SNCAIP: variants seen among roughly 807,000 people sequenced by gnomAD.
SNCAIP encodes the protein synuclein alpha interacting protein.
SNCAIP carries 43 observed loss-of-function variants against 86.7 expected under a neutral mutation model. The ratio of observed to expected loss-of-function variants is 0.50; its 90% CI spans 0.39 to 0.64. The LOEUF (loss-of-function observed/expected upper bound fraction) is 0.64, where lower values mean the gene tolerates loss of function less well. SNCAIP is among the 30% of genes least tolerant of loss of function. The pLI, the probability that SNCAIP is intolerant of heterozygous loss-of-function variation, is 0.00. For synonymous variants in SNCAIP, 417 were observed against 427.2 expected, an observed-to-expected ratio of 0.98 and a Z score of 0.29; for missense variants, 981 against 1,103.1, an observed-to-expected ratio of 0.89 and a Z score of 1.57.
intron 2 of SNCAIP, chr5:122,401,017 AG>A (rs1484751587): frequency 1.9e-6 from 3 of 1,550,160 alleles, no homozygotes; most frequent in Non-Finnish European, 2.6e-6. Flanking sequence ...AGGCTACAAA[AG>A]CTTGGATTGG....
intron 1 of SNCAIP, among the ~76,000 whole-genome samples, chr5:122,365,679 CA>C (rs1286135232): frequency 6.6e-6 from 1 of 151,832 alleles, no homozygotes; most frequent in Non-Finnish European, 1.5e-5. Context: ...ACCCTGTCTC[CA>C]TAAAAAAAAA....
intron 6 of SNCAIP, among the ~76,000 whole-genome samples, chr5:122,438,701 C>T (rs1399858030): frequency 6.6e-6 from 1 of 152,150 alleles, no homozygotes; most frequent in East Asian, 1.9e-4. Flanking sequence ...CTGTCCATGC[C>T]ATCACATGAG....
At chr5:122,420,740 G>A (rs1776212611) in intron 3 of SNCAIP, among the ~76,000 whole-genome samples, 1 of 152,062 alleles carries the variant, frequency 6.6e-6, no homozygotes, top group African/African-American at 2.4e-5. Flanking sequence ...AGAAATTTCT[G>A]GCAGTCATTA....
At chr5:122,444,397 G>A (rs1477428037) in intron 7 of SNCAIP, 166 bp from the exon 8 acceptor site, 9 of 701,200 alleles carry the variant, frequency 1.3e-5, no homozygotes, top group South Asian at 3.2e-5. Context: ...GATAGTAGTA[G>A]GACTGGCTCT....
chr5:122,345,474 A>G lies in SNCAIP; in HGVS notation c.-47+33190A>G, dbSNP rs78113063. Among the ~76,000 whole-genome samples, 299 of 152,292 alleles carry G rather than the reference A, an allele frequency of 2.0e-3. 1 individual carries two copies. The highest frequency in any genetic ancestry group is 6.8e-3 in the Middle Eastern group (2 of 292). On this transcript the variant is annotated intron_variant, in intron 1 of 10. Coordinates refer to ENST00000261368, the MANE Select transcript of SNCAIP (RefSeq NM_005460.4). ...ACAGATTACTTAAAGAAATGGAAGA[A>G]CTAAAGTGAATATTCTATCCCAGTT...
At chr5:122,424,956 G>A (rs945520727) in intron 4 of SNCAIP, among the ~76,000 whole-genome samples, 3 of 152,158 alleles carry the variant, frequency 2.0e-5, no homozygotes, top group African/African-American at 4.8e-5. Context: ...AACAGGTAGA[G>A]ACAAATAGCT....
intron 1 of SNCAIP, among the ~76,000 whole-genome samples, chr5:122,329,308 G>C (rs1484507826): frequency 1.3e-5 from 2 of 151,116 alleles, no homozygotes; most frequent in East Asian, 3.9e-4. Context: ...ATTACAGGGA[G>C]TTCAATCAGG....
At position 122,440,683 on chromosome 5, in the gene SNCAIP, G is replaced by C; in HGVS notation, c.1351G>C (p.Asp451His). Reference protein sequence around the residue: ...QFMQEQGISLDEVDQDGNSAV... With the variant: ...QFMQEQGISLHEVDQDGNSAV... Reference sequence around the variant, plus strand: ...TATGCAAGAACAGGGCATCTCGTTGGATGAAGTAGACCAGGATGGCAACAG... The same window carrying C: ...TATGCAAGAACAGGGCATCTCGTTGCATGAAGTAGACCAGGATGGCAACAG... Residue 451 changes from aspartate (D) to histidine (H), a missense_variant, in exon 7 of 11, where the codon GAT becomes CAT. Coordinates refer to ENST00000261368, the MANE Select transcript of SNCAIP (RefSeq NM_005460.4). 1 of 1,613,998 alleles carries C rather than the reference G, an allele frequency of 6.2e-7. No individual in the cohort carries two copies. Among genetic ancestry groups the C allele is most frequent in the South Asian group, 1.1e-5 (1 of 91,074 alleles).
At chr5:122,440,927 A>G (rs1427307191) in intron 7 of SNCAIP, 173 bp downstream of exon 7, 1 of 661,308 alleles carries the variant, frequency 1.5e-6, no homozygotes, top group Admixed American at 2.5e-5. Context: ...AAATGTAGGT[A>G]GGCATAAATA....
intron 1 of SNCAIP, among the ~76,000 whole-genome samples, chr5:122,329,644 G>A (rs1427138247): frequency 6.6e-6 from 1 of 152,128 alleles, no homozygotes; most frequent in Non-Finnish European, 1.5e-5. Flanking sequence ...TAACTTTGGT[G>A]CAAAAAGCTT....
intron 10 of SNCAIP, chr5:122,452,892 G>A (rs1223994743): frequency 1.4e-6 from 2 of 1,402,778 alleles, no homozygotes; most frequent in African/African-American, 1.4e-5. Flanking sequence ...CTTGTTGCAT[G>A]TTTTCAGATG....
In SNCAIP at chr5:122,423,675, GTGAGTAT is replaced by G; in HGVS notation, c.939_945del (p.Glu314Ter). On this transcript the variant is annotated frameshift_variant, in exon 4 of 11. Coordinates refer to ENST00000261368, the MANE Select transcript of SNCAIP (RefSeq NM_005460.4). LOFTEE classifies it high-confidence loss of function. Reference sequence around the variant, plus strand: ...AGCTCCCAAGGCCCAGAAGAAAGGAGTGAGTATCTGAAAAAAGTGAAAAGCATCTTGA... The same window carrying G: ...AGCTCCCAAGGCCCAGAAGAAAGGAGCTGAAAAAAGTGAAAAGCATCTTGA... 1 of 1,608,090 alleles carries G rather than the reference GTGAGTAT, an allele frequency of 6.2e-7. No homozygotes were observed. Among genetic ancestry groups the G allele is most frequent in the Non-Finnish European group, 8.5e-7 (1 of 1,179,036 alleles).
chr5:122,322,009 G>A (rs1436681674), intron 1 of SNCAIP, among the ~76,000 whole-genome samples: 1 of 151,762 alleles, frequency 6.6e-6, no homozygotes, highest in African/African-American at 2.4e-5. Flanking sequence ...ACAAAAACTC[G>A]TCCAGTGAAC....
chr5:122,378,367 G>A lies in SNCAIP; in HGVS notation c.-46-12722G>A, dbSNP rs1196173582. Reference sequence around the variant, plus strand: ...TGAGAAGTGTCTGTTCATGTCCTTCGCCCACTTTTTGATGGGGTTGTTTGT... The same window carrying A: ...TGAGAAGTGTCTGTTCATGTCCTTCACCCACTTTTTGATGGGGTTGTTTGT... On this transcript the variant is annotated intron_variant, in intron 1 of 10. Coordinates refer to ENST00000261368, the MANE Select transcript of SNCAIP (RefSeq NM_005460.4). Among the ~76,000 whole-genome samples, 37 of 130,856 alleles carry A rather than the reference G, an allele frequency of 2.8e-4. 3 individuals are homozygous for A. The highest frequency in any genetic ancestry group is 4.1e-4 in the African/African-American group (14 of 33,888). The allele number at this position is 130,856 out of a possible 152,430, so 85.8% of individuals were successfully genotyped here.
At chr5:122,346,965 A>G (rs1038045609) in intron 1 of SNCAIP, among the ~76,000 whole-genome samples, 1 of 152,086 alleles carries the variant, frequency 6.6e-6, no homozygotes, top group Non-Finnish European at 1.5e-5. Context: ...AATGAAAGCA[A>G]TTGTCAATGG....
At chr5:122,444,366 T>A in intron 7 of SNCAIP, 197 bp from the exon 8 acceptor site, 1 of 634,602 alleles carries the variant, frequency 1.6e-6, no homozygotes, top group Non-Finnish European at 2.9e-6. Flanking sequence ...CCCCTCCTTA[T>A]GTGGGCTGCA....
chr5:122,338,955 T>C (rs1286846712), intron 1 of SNCAIP, among the ~76,000 whole-genome samples: 2 of 152,070 alleles, frequency 1.3e-5, no homozygotes, highest in African/African-American at 4.8e-5. Flanking sequence ...AGATTAATAA[T>C]GGGGGGTAGG....
At chr5:122,329,212 T>C (rs541043446) in intron 1 of SNCAIP, among the ~76,000 whole-genome samples, 214 of 151,894 alleles carry the variant, frequency 1.4e-3, no homozygotes, top group African/African-American at 4.9e-3. Context: ...ACATACATTA[T>C]TTCCTTTAAA....
intron 3 of SNCAIP, among the ~76,000 whole-genome samples, chr5:122,412,281 A>C (rs1206133378): frequency 6.6e-6 from 1 of 152,060 alleles, no homozygotes; most frequent in Non-Finnish European, 1.5e-5. Flanking sequence ...AAGTCATGGG[A>C]AACTCCCTCC....
Sources: gnomAD v4.1 joint callset for allele counts (sites outside exome capture counted in the v4.1 genomes callset) on GRCh38, gnomAD v4.1.1 for gene constraint, MANE v1.5 for transcripts, NCBI Gene and HGNC (gene_info 2026-07-23, HGNC 2026-07-21) for gene names.